The following ASB8 variants were observed in gnomAD, a reference collection of about 807,000 sequenced individuals.
ASB8 encodes ankyrin repeat and SOCS box protein 8.
ASB8 carries 15 observed loss-of-function variants against 22.9 expected under a neutral mutation model. The ratio of observed to expected loss-of-function variants is 0.66; its 90% CI spans 0.44 to 1.01. The LOEUF is 1.01. Among genes scored for constraint, ASB8 ranks in the 50% least tolerant of loss-of-function variants. ASB8 has a pLI of 0.00. For missense variants in ASB8, 294 were observed against 356.9 expected, an observed-to-expected ratio of 0.82 and a Z score of 1.42; for synonymous variants, 124 against 140.8, an observed-to-expected ratio of 0.88 and a Z score of 0.84.
chr12:48,152,621 T>C (rs921467304), intron 2 of ASB8, among the ~76,000 whole-genome samples: 10 of 152,198 alleles, frequency 6.6e-5, no homozygotes, highest in Non-Finnish European at 1.0e-4. Context: ...GTAGCTGCTT[T>C]TAACATAGAA....
At chr12:48,153,287 C>G in intron 2 of ASB8, 81 bp downstream of exon 2, 1 of 1,537,468 alleles carries the variant, frequency 6.5e-7, no homozygotes, top group Non-Finnish European at 9.0e-7. Flanking sequence ...TGGGTTGAGT[C>G]AAAGCTGCAA....
At chr12:48,151,329 T>G in intron 2 of ASB8, 24 bp from the exon 3 acceptor site, 1 of 1,563,356 alleles carries the variant, frequency 6.4e-7, no homozygotes, top group Middle Eastern at 1.7e-4. Context: ...ACAACTTCAG[T>G]CAGTGTGTTC....
rs139346668 is a variant in ASB8 at position 48,149,441 on chromosome 12, G to A, written c.792C>T (p.Leu264=). Residue 264 remains leucine (L), a synonymous_variant, in exon 4 of 4, where the codon CTC becomes CTT. Coordinates refer to ENST00000317697, the MANE Select transcript of ASB8 (RefSeq NM_024095.5). The part of the protein sequence containing the change: ...ARYAVRRSLG[L]QYLPDAVKGL... ...CCTTCACTGCATCGGGGAGATACTG[G>A]AGTCCCAGGCTACGGCGCACGGCAT... is the stretch of plus-strand genomic sequence containing the variant. The A allele has an allele frequency of 1.2e-6, 2 of 1,614,048 alleles. No homozygotes were observed. Among genetic ancestry groups the A allele is most frequent in the Non-Finnish European group, 1.7e-6 (2 of 1,179,904 alleles).
chr12:48,148,670 T>TG lies in ASB8; in HGVS notation c.*695_*696insC, dbSNP rs1198810468. 2.0e-5 allele frequency: 3 copies of TG among 146,940 alleles called. No homozygotes were observed. Among genetic ancestry groups the TG allele is most frequent in the African/African-American group, 7.5e-5 (3 of 39,830 alleles). The allele number at this position is 146,940 out of a possible 1,614,324, so 9.1% of individuals were successfully genotyped here. On this transcript the variant is annotated 3_prime_UTR_variant, in exon 4 of 4. Transcript: ENST00000317697. Reference sequence around the variant, plus strand: ...ATCAATTAAAATGGTTTTTTTTTTTTTTTTTTTTTTTTGAGACAGTTTTGC... The same window carrying TG: ...ATCAATTAAAATGGTTTTTTTTTTTTGTTTTTTTTTTTTGAGACAGTTTTGC...
At chr12:48,151,012 T>C (rs1363653084) in intron 3 of ASB8, 189 bp downstream of exon 3, 3 of 615,338 alleles carry the variant, frequency 4.9e-6, no homozygotes, top group Non-Finnish European at 8.6e-6. Context: ...GGTAAAAGAA[T>C]GAAATCCTTA....
intron 3 of ASB8, 137 bp from the exon 4 acceptor site, chr12:48,150,135 G>A: frequency 2.2e-6 from 2 of 905,820 alleles, no homozygotes; most frequent in Non-Finnish European, 3.6e-6. Context: ...CAACTCCCAG[G>A]GAGTCCTGGT....
chr12:48,155,294 GTA>G lies in ASB8; in HGVS notation c.-33-1767_-33-1766del, dbSNP rs141104726. Among the ~76,000 whole-genome samples, 618 of 152,204 alleles carry G rather than the reference GTA, an allele frequency of 4.1e-3. 2 individuals are homozygous for G. The highest frequency in any genetic ancestry group is 6.9e-3 in the Non-Finnish European group (471 of 68,002). On this transcript the variant is annotated intron_variant, in intron 1 of 3. Transcript: ENST00000317697. ...AATAACGATACTGATTTTTTCAATA[GTA>G]CCTGAACACATGGTAGGTTCTTAAC...
At chr12:48,153,095 T>C (rs1951227965) in intron 2 of ASB8, 1 of 359,388 alleles carries the variant, frequency 2.8e-6, no homozygotes, top group Non-Finnish European at 5.3e-6. Context: ...GGATTACATA[T>C]GCATCGTACT....
chr12:48,155,209 G>A (rs1951280887), intron 1 of ASB8, among the ~76,000 whole-genome samples: 1 of 152,122 alleles, frequency 6.6e-6, no homozygotes, highest in South Asian at 2.1e-4. Context: ...ATAATACACA[G>A]TATCAGCTCT....
rs537528591 is a variant in ASB8 at position 48,155,799 on chromosome 12, G to A, written c.-34+1660C>T. 7.5e-4 allele frequency among the ~76,000 whole-genome samples: 105 copies of A among 139,724 alleles called. 2 individuals carry two copies. In the East Asian group the frequency reaches 0.017, roughly 23 times the overall value. 91.7% of individuals were successfully genotyped at this position (139,724 alleles called of 152,430 possible). A position where few individuals can be genotyped will look rare whatever the true frequency, so the allele number is the denominator to read the frequency against. ...TGCTTTATTTTTTTTTTTTTGAGGCGGAGTCTCACTCTGTCATCTAGGCTG... is the reference window on the plus strand; with the variant it reads ...TGCTTTATTTTTTTTTTTTTGAGGCAGAGTCTCACTCTGTCATCTAGGCTG... On this transcript the variant is annotated intron_variant, in intron 1 of 3. Transcript: ENST00000317697.
Position 48,149,016 on chromosome 12 carries a change from G to A in ASB8, c.*350C>T, listed in dbSNP as rs1471304496. 3.9e-6 allele frequency: 1 copy of A among 259,078 alleles called. No homozygotes were observed. Among genetic ancestry groups the A allele is most frequent in the Non-Finnish European group, 7.4e-6 (1 of 134,724 alleles). The allele number at this position is 259,078 out of a possible 1,614,324, so 16.0% of individuals were successfully genotyped here. On this transcript the variant is annotated 3_prime_UTR_variant, in exon 4 of 4. Coordinates refer to ENST00000317697, the MANE Select transcript of ASB8 (RefSeq NM_024095.5). ...TGGACCGTTAACCACGTCCCCAAAG[G>A]AAAACCACACACACATTATTTAAGT...
rs754252876 is a variant in ASB8, at chr12:48,153,519, C to G, written c.-23G>C. ...CATCAAGGCTCAAGGTGTTCACATGCTCCAAACTGCCTGAAACAAAGAAGT... is the reference window on the plus strand; with the variant it reads ...CATCAAGGCTCAAGGTGTTCACATGGTCCAAACTGCCTGAAACAAAGAAGT... On this transcript the variant is annotated 5_prime_UTR_variant, in exon 2 of 4. Coordinates refer to ENST00000317697, the MANE Select transcript of ASB8 (RefSeq NM_024095.5). 2.7e-5 allele frequency: 43 copies of G among 1,612,010 alleles called. No homozygotes were observed. The highest frequency in any genetic ancestry group is 3.5e-5 in the Non-Finnish European group (41 of 1,178,626).
chr12:48,157,368 A>C (rs1313662495), intron 1 of ASB8, 91 bp downstream of exon 1: 1 of 152,250 alleles, frequency 6.6e-6, no homozygotes, highest in Non-Finnish European at 1.5e-5. Context: ...GAACTAGAGC[A>C]CTTCGACCAG....
At chr12:48,152,371 G>A (rs1951218029) in intron 2 of ASB8, among the ~76,000 whole-genome samples, 3 of 152,176 alleles carry the variant, frequency 2.0e-5, no homozygotes, top group African/African-American at 7.2e-5. Flanking sequence ...TAAATGACGA[G>A]CCTGAAGTCT....
chr12:48,153,376 T>C lies in ASB8; in HGVS notation c.121A>G (p.Ile41Val). ...SFPHDNVEDLIRGGADVNCTH... is the reference protein window; with the variant it reads ...SFPHDNVEDLVRGGADVNCTH... ...AATACCAGCACACTCACCCCTCTGA[T>C]GAGGTCCTCTACATTATCATGTGGG... Residue 41 changes from isoleucine to valine, a missense_variant, in exon 2 of 4, where the codon ATC (isoleucine) becomes GTC (valine). Physicochemically the swap from Ile to Val is conservative, Grantham distance 29. Coordinates refer to ENST00000317697, the MANE Select transcript of ASB8 (RefSeq NM_024095.5). The C allele has an allele frequency of 6.2e-7, 1 of 1,613,972 alleles. No individual in the cohort carries two copies. Among genetic ancestry groups the C allele is most frequent in the Non-Finnish European group, 8.5e-7 (1 of 1,179,870 alleles).
Position 48,149,287 on chromosome 12 carries a change from C to T in ASB8, c.*79G>A. 1.4e-6 allele frequency: 2 copies of T among 1,422,312 alleles called. No individual in the cohort carries two copies. Among genetic ancestry groups the T allele is most frequent in the Admixed American group, 2.2e-5 (1 of 46,470 alleles). 88.1% of individuals were successfully genotyped at this position (1,422,312 alleles called of 1,614,324 possible). A position where few individuals can be genotyped will look rare whatever the true frequency, so the allele number is the denominator to read the frequency against. Reference sequence around the variant, plus strand: ...CCACACAACAGGAACAACTGTTTTTCTGTTTTCTGTGACAAGGAGTACTGC... The same window carrying T: ...CCACACAACAGGAACAACTGTTTTTTTGTTTTCTGTGACAAGGAGTACTGC... On this transcript the variant is annotated 3_prime_UTR_variant, in exon 4 of 4. Coordinates refer to ENST00000317697, the MANE Select transcript of ASB8 (RefSeq NM_024095.5).
At chr12:48,150,566 C>G (rs1413325229) in intron 3 of ASB8, among the ~76,000 whole-genome samples, 1 of 152,174 alleles carries the variant, frequency 6.6e-6, no homozygotes, top group Admixed American at 6.5e-5. Context: ...CAAATGAAAG[C>G]ATGTGATAGG....
Position 48,151,295 on chromosome 12 carries a change from A to C in ASB8, c.140T>G (p.Val47Gly). 6.2e-7 allele frequency: 1 copy of C among 1,612,576 alleles called. No homozygotes were observed. Among genetic ancestry groups the C allele is most frequent in the Non-Finnish European group, 8.5e-7 (1 of 1,179,068 alleles). ...CTTCAGTGTGCCATGAGTGCAGTTC[A>C]CATCTGCTCCCTGTGGGCAGAAGAC... is the stretch of plus-strand genomic sequence containing the variant. Reference protein sequence around the residue: ...VEDLIRGGADVNCTHGTLKPL... With the variant: ...VEDLIRGGADGNCTHGTLKPL... Residue 47 changes from valine (V) to glycine (G), a missense_variant, in exon 3 of 4, where the codon GTG becomes GGG. By Grantham distance (109) the Val-to-Gly change is moderately radical (BLOSUM62 -3). Coordinates refer to ENST00000317697, the MANE Select transcript of ASB8 (RefSeq NM_024095.5).
chr12:48,154,758 T>C (rs1951271125), intron 1 of ASB8, among the ~76,000 whole-genome samples: 1 of 151,808 alleles, frequency 6.6e-6, no homozygotes, highest in Non-Finnish European at 1.5e-5. Context: ...ACCAACATGG[T>C]GAAAGCCCAT....
Sources: allele counts gnomAD v4.1 joint callset (sites outside exome capture counted in the v4.1 genomes callset), GRCh38; gene constraint gnomAD v4.1.1; transcripts MANE v1.5; gene names NCBI Gene and HGNC (gene_info 2026-07-23, HGNC 2026-07-21).